The following TOX variants were observed in gnomAD, a reference collection of about 807,000 sequenced individuals.
TOX encodes the protein thymocyte selection associated high mobility group box, also known as thymocyte selection-associated high mobility group box protein TOX.
A neutral mutation model predicts 53.7 loss-of-function variants in TOX; 11 were observed. That is an observed-to-expected ratio of 0.20 (90% confidence interval 0.13 to 0.34). TOX has a LOEUF of 0.34. Ranked by LOEUF, TOX falls within the 10% of genes least tolerant of loss-of-function variation. The probability of loss-of-function intolerance (pLI) is 1.00; values close to 1 mark genes in which losing one functional copy is unlikely to be tolerated. For synonymous variants in TOX, 225 were observed against 245.3 expected (o/e 0.92, Z 0.77); for missense variants, 570 against 664.6 (o/e 0.86, Z 1.56).
intron 2 of TOX, among the ~76,000 whole-genome samples, chr8:58,956,287 G>A (rs530070199): frequency 2.3e-4 from 35 of 152,226 alleles, no homozygotes; most frequent in African/African-American, 6.7e-4. Flanking sequence ...AAGTTTTATC[G>A]GGAGATAAGA....
intron 3 of TOX, among the ~76,000 whole-genome samples, chr8:58,865,069 C>A (rs138135619): frequency 6.6e-6 from 1 of 152,264 alleles, no homozygotes; most frequent in East Asian, 1.9e-4. Flanking sequence ...TAAGTGGCAT[C>A]TCTCCCATGC....
chr8:59,104,969 G>A lies in TOX; in HGVS notation c.102+13917C>T, dbSNP rs533900572. ...TTAGCCATATGGAGGGAGGGTTCAC[G>A]ACTTATTCATCTCTGTGTCCCTCCC... is the stretch of plus-strand genomic sequence containing the variant. On this transcript the variant is annotated intron_variant, in intron 1 of 8. Transcript: ENST00000361421. Among the ~76,000 whole-genome samples, 9 of 152,200 alleles carry A rather than the reference G, an allele frequency of 5.9e-5. No homozygotes were observed. The South Asian group carries it at 1.2e-3, about 21-fold the overall frequency.
At chr8:58,970,859 A>T (rs1812989588) in intron 1 of TOX, among the ~76,000 whole-genome samples, 1 of 152,190 alleles carries the variant, frequency 6.6e-6, no homozygotes, top group Non-Finnish European at 1.5e-5. Flanking sequence ...CTGCAGTAAC[A>T]TTTATTCCAT....
intron 2 of TOX, among the ~76,000 whole-genome samples, chr8:58,959,231 T>C (rs1031162586): frequency 2.0e-5 from 3 of 152,218 alleles, no homozygotes; most frequent in African/African-American, 7.2e-5. Flanking sequence ...AGGGCAGTTA[T>C]AATTTGGCTT....
intron 1 of TOX, among the ~76,000 whole-genome samples, chr8:59,023,486 C>A (rs1814176118): frequency 6.6e-6 from 1 of 152,108 alleles, no homozygotes; most frequent in South Asian, 2.1e-4. Flanking sequence ...GAAATCCCAC[C>A]ACCACTTAGT....
At chr8:59,029,659 A>T (rs1388060626) in intron 1 of TOX, among the ~76,000 whole-genome samples, 1 of 152,140 alleles carries the variant, frequency 6.6e-6, no homozygotes, top group Non-Finnish European at 1.5e-5. Context: ...ATGTGGTAGC[A>T]ATTTTCTGTT....
At chr8:58,904,808 T>C (rs1281142211) in intron 3 of TOX, among the ~76,000 whole-genome samples, 4 of 152,162 alleles carry the variant, frequency 2.6e-5, no homozygotes, top group Non-Finnish European at 5.9e-5. Flanking sequence ...ATTGAATGGA[T>C]GAATGAAAAT....
At chr8:58,810,063 G>T (rs1406349595) in intron 7 of TOX, among the ~76,000 whole-genome samples, 2 of 152,120 alleles carry the variant, frequency 1.3e-5, no homozygotes, top group African/African-American at 4.8e-5. Flanking sequence ...ATAGCTCACT[G>T]CAGCCTCAAA....
intron 3 of TOX, among the ~76,000 whole-genome samples, chr8:58,914,827 G>C (rs900986308): frequency 6.6e-6 from 1 of 151,544 alleles, no homozygotes; most frequent in Non-Finnish European, 1.5e-5. Context: ...GACAGTGGGC[G>C]CAGGCCAGTG....
intron 7 of TOX, among the ~76,000 whole-genome samples, chr8:58,813,372 GT>G (rs940704947): frequency 1.3e-5 from 2 of 152,118 alleles, no homozygotes; most frequent in Non-Finnish European, 2.9e-5. Context: ...TGAACTTTTG[GT>G]TTTTTTCCTT....
chr8:59,114,727 C>T (rs1035336317), intron 1 of TOX, among the ~76,000 whole-genome samples: 1 of 152,142 alleles, frequency 6.6e-6, no homozygotes, highest in Non-Finnish European at 1.5e-5. Flanking sequence ...CTCTTCCTCC[C>T]ATCTTTTCCT....
intron 3 of TOX, among the ~76,000 whole-genome samples, chr8:58,925,281 T>C (rs1812136842): frequency 6.6e-6 from 1 of 152,240 alleles, no homozygotes; most frequent in Non-Finnish European, 1.5e-5. Context: ...AAAAATTGCA[T>C]TGTTTTTATG....
chr8:58,873,391 T>C (rs1344726842), intron 3 of TOX, among the ~76,000 whole-genome samples: 1 of 152,058 alleles, frequency 6.6e-6, no homozygotes, highest in Non-Finnish European at 1.5e-5. Flanking sequence ...TTTAAACACA[T>C]CTAAAGGGAA....
chr8:59,002,451 G>A (rs1458604419), intron 1 of TOX, among the ~76,000 whole-genome samples: 4 of 151,214 alleles, frequency 2.6e-5, no homozygotes, highest in Non-Finnish European at 5.9e-5. Context: ...AATTAGCGGA[G>A]CGTGGTGGCA....
At chr8:58,859,985 A>G (rs1417269877) in intron 3 of TOX, among the ~76,000 whole-genome samples, 3 of 152,202 alleles carry the variant, frequency 2.0e-5, no homozygotes, top group Non-Finnish European at 4.4e-5. Flanking sequence ...TCCTCTGCAG[A>G]ACTCCACTGC....
chr8:59,037,210 T>C (rs961002165), intron 1 of TOX, among the ~76,000 whole-genome samples: 2 of 151,958 alleles, frequency 1.3e-5, no homozygotes, highest in African/African-American at 2.4e-5. Flanking sequence ...TGGCCCTCTC[T>C]GTTTGATTAC....
At chr8:59,070,678 A>G (rs1239805620) in intron 1 of TOX, among the ~76,000 whole-genome samples, 27 of 152,200 alleles carry the variant, frequency 1.8e-4, no homozygotes, top group Non-Finnish European at 4.4e-5. Flanking sequence ...CAAGAGCAAC[A>G]AGAAAAGAAT....
intron 6 of TOX, among the ~76,000 whole-genome samples, chr8:58,820,488 C>T (rs1321679657): frequency 6.6e-6 from 1 of 152,180 alleles, no homozygotes; most frequent in African/African-American, 2.4e-5. Flanking sequence ...TTCAATAATG[C>T]TGCCTTTATT....
intron 3 of TOX, among the ~76,000 whole-genome samples, chr8:58,935,984 A>G (rs184272866): frequency 5.0e-4 from 76 of 152,294 alleles, no homozygotes; most frequent in Middle Eastern, 6.8e-3. Context: ...CCTCTTACCT[A>G]CATTGGGATA....
Sources: gnomAD v4.1 joint callset for allele counts (sites outside exome capture counted in the v4.1 genomes callset) on GRCh38, gnomAD v4.1.1 for gene constraint, MANE v1.5 for transcripts, NCBI Gene and HGNC (gene_info 2026-07-23, HGNC 2026-07-21) for gene names.